The following BRD10 variants were observed in gnomAD, a reference collection of about 807,000 sequenced individuals.
BRD10 encodes the protein bromodomain containing 10.
chr9:5,988,690 C>T, the BRD10 span: 1 of 624,856 alleles, frequency 1.6e-6, no homozygotes, highest in Non-Finnish European at 2.8e-6. Flanking sequence ...ACTTTTTATC[C>T]TCCCTACACA....
the BRD10 span, among the ~76,000 whole-genome samples, chr9:5,994,151 A>C: frequency 6.6e-6 from 1 of 152,184 alleles, no homozygotes; most frequent in Admixed American, 6.5e-5. Flanking sequence ...GCCCTCACCA[A>C]AAACTTTTTA....
chr9:5,970,316 A>AAC, the BRD10 span, among the ~76,000 whole-genome samples: 116 of 152,336 alleles, frequency 7.6e-4, no homozygotes, highest in African/African-American at 2.7e-3. Flanking sequence ...GTCAGAATAC[A>AAC]ACACAGTACT....
At chr9:5,921,975 T>C in the BRD10 span, 28 of 1,613,848 alleles carry the variant, frequency 1.7e-5, no homozygotes, top group South Asian at 2.6e-4. Flanking sequence ...CTAGATGTAG[T>C]AGTTGTTCCA....
the BRD10 span, among the ~76,000 whole-genome samples, chr9:5,978,392 TA>T: frequency 0.017 from 1,394 of 84,444 alleles, 15 homozygotes; most frequent in African/African-American, 0.042. Flanking sequence ...TGCAATTTAG[TA>T]AAAAAAAAAA....
the BRD10 span, among the ~76,000 whole-genome samples, chr9:6,000,989 C>A: frequency 1.3e-5 from 2 of 152,150 alleles, no homozygotes; most frequent in African/African-American, 4.8e-5. Context: ...TGCTGGACTC[C>A]ACATGCACTC....
At chr9:5,908,515 T>C in the BRD10 span, 3 of 826,152 alleles carry the variant, frequency 3.6e-6, no homozygotes, top group South Asian at 1.7e-5. Context: ...AGAAATTATA[T>C]GGGAACACTT....
the BRD10 span, among the ~76,000 whole-genome samples, chr9:5,915,502 A>G: frequency 3.9e-4 from 59 of 152,196 alleles, 1 homozygote; most frequent in African/African-American, 1.2e-3. Flanking sequence ...GTCCTCTATC[A>G]GCTAGCTCAA....
the BRD10 span, among the ~76,000 whole-genome samples, chr9:5,903,001 A>G: frequency 6.6e-6 from 1 of 152,226 alleles, no homozygotes; most frequent in South Asian, 2.1e-4. Flanking sequence ...GCTAAGCAGT[A>G]TCCCACAAAT....
the BRD10 span, among the ~76,000 whole-genome samples, chr9:5,993,353 T>G: frequency 6.6e-6 from 1 of 150,522 alleles, no homozygotes; most frequent in Non-Finnish European, 1.5e-5. Flanking sequence ...AATGAAGAGT[T>G]TCAATCACTT....
At chr9:5,949,310 G>C in the BRD10 span, among the ~76,000 whole-genome samples, 1 of 152,034 alleles carries the variant, frequency 6.6e-6, no homozygotes, top group Non-Finnish European at 1.5e-5. Flanking sequence ...AGTAAGCCAG[G>C]ATTGTGCCAC....
the BRD10 span, among the ~76,000 whole-genome samples, chr9:5,939,666 G>A: frequency 0.25 from 37,608 of 152,070 alleles, 4,835 homozygotes; most frequent in South Asian, 0.36. Context: ...AAGTAAGTTG[G>A]CAGCAGTGGA....
chr9:5,888,401 T>C, the BRD10 span, among the ~76,000 whole-genome samples: 1 of 152,254 alleles, frequency 6.6e-6, no homozygotes, highest in African/African-American at 2.4e-5. Flanking sequence ...ATCATTTTAA[T>C]GGGCATTTCT....
chr9:5,920,886 G>A, the BRD10 span: 35,771 of 1,613,924 alleles, frequency 0.022, 623 homozygotes, highest in Middle Eastern at 0.097. Context: ...GTGTTTCCGA[G>A]ACTTGATGAG....
chr9:5,885,902 T>G, the BRD10 span, among the ~76,000 whole-genome samples: 26 of 152,302 alleles, frequency 1.7e-4, no homozygotes, highest in South Asian at 5.4e-3. Flanking sequence ...TTCTGTTTGT[T>G]CAGCTCCTCC....
At chr9:5,993,745 C>G in the BRD10 span, among the ~76,000 whole-genome samples, 1 of 152,100 alleles carries the variant, frequency 6.6e-6, no homozygotes, top group Admixed American at 6.6e-5. Context: ...TGGCTGAACC[C>G]AATCAGAAGT....
the BRD10 span, chr9:5,924,572 G>T: frequency 1.5e-6 from 1 of 686,028 alleles, no homozygotes. Context: ...ATATTTCATT[G>T]ACCATATTAT....
At chr9:6,003,136 A>G in the BRD10 span, among the ~76,000 whole-genome samples, 1 of 152,250 alleles carries the variant, frequency 6.6e-6, no homozygotes, top group African/African-American at 2.4e-5. Context: ...AATCAAGAAT[A>G]ATTTTAACAA....
the BRD10 span, among the ~76,000 whole-genome samples, chr9:5,883,462 CTTTTTTTTTTTT>C: frequency 9.8e-6 from 1 of 102,410 alleles, no homozygotes; most frequent in Admixed American, 1.2e-4. Context: ...CCTTCTTCTT[CTTTTTTTTTTTT>C]TTTTTTTTTG....
chr9:5,988,324 A>G, the BRD10 span: 1 of 1,580,720 alleles, frequency 6.3e-7, no homozygotes, highest in Admixed American at 1.7e-5. Context: ...TGAAATTATG[A>G]ATTTTTTTCT....
Sources: allele counts gnomAD v4.1 joint callset (sites outside exome capture counted in the v4.1 genomes callset), GRCh38; gene constraint gnomAD v4.1.1; transcripts MANE v1.5; gene names NCBI Gene and HGNC (gene_info 2026-07-23, HGNC 2026-07-21).